Variants in TPD52 observed in about 807,000 individuals in gnomAD.
TPD52 encodes the protein tumor protein D52.
Under a neutral mutation model 31.3 loss-of-function variants are expected in TPD52, and 17 were observed. The observed-to-expected ratio is 0.54, with a 90% CI of 0.37 to 0.82. The LOEUF is 0.82. Ranked by LOEUF, TPD52 falls within the 40% of genes least tolerant of loss-of-function variation. TPD52 has a pLI of 0.00. For missense variants in TPD52, 212 were observed against 240.1 expected, an observed-to-expected ratio of 0.88 and a Z score of 0.77; for synonymous variants, 83 against 89.6, an observed-to-expected ratio of 0.93 and a Z score of 0.42.
In TPD52 at chr8:80,058,048, T is replaced by C. The variant is rs142931445; in HGVS notation, c.136-4618A>G. Among the ~76,000 whole-genome samples, 771 of 152,292 alleles carry C rather than the reference T, an allele frequency of 5.1e-3. 3 individuals carry two copies. Among genetic ancestry groups the C allele is most frequent in the African/African-American group, 0.017 (722 of 41,560 alleles). On this transcript the variant is annotated intron_variant, in intron 2 of 7. Coordinates refer to ENST00000518937, the MANE Select transcript of TPD52 (RefSeq NM_001025253.3). ...TCAGTTTAACGCCTCCCACACAGCA[T>C]GTAGTCTATAGACATTAGGTGCTAT...
intron 1 of TPD52, among the ~76,000 whole-genome samples, chr8:80,075,243 C>T (rs1252034173): frequency 2.0e-5 from 3 of 152,092 alleles, no homozygotes; most frequent in Non-Finnish European, 4.4e-5. Flanking sequence ...TCCCAAAGTG[C>T]TGGGATTACA....
At chr8:80,034,599 CA>C (rs1328973546), downstream of TPD52, 1 of 152,094 alleles carries the variant, frequency 6.6e-6, no homozygotes, top group African/African-American at 2.4e-5. Flanking sequence ...AAGATAACAA[CA>C]GATAGACAAT....
At position 80,123,971 on chromosome 8, in the gene TPD52, G is replaced by A. The variant is rs139319088; in HGVS notation, c.19+47454C>T. Among the ~76,000 whole-genome samples the A allele has an allele frequency of 9.9e-3, 1,511 of 152,246 alleles. 81 individuals are homozygous for A. The highest frequency in any genetic ancestry group is 0.089 in the Admixed American group (1,353 of 15,284). ...CAGGTGGTTACTGGTGATTATCAGC[G>A]ACAGCATGTCAGGAAACTCACAAAG... On this transcript the variant is annotated intron_variant, in intron 1 of 7. Transcript: ENST00000518937.
At chr8:80,044,607 A>G (rs1810671334) in intron 5 of TPD52, among the ~76,000 whole-genome samples, 2 of 151,906 alleles carry the variant, frequency 1.3e-5, no homozygotes, top group Admixed American at 1.3e-4. Flanking sequence ...ATACACACAT[A>G]CACACACAAG....
At chr8:80,132,557 C>T (rs538058852) in intron 1 of TPD52, among the ~76,000 whole-genome samples, 34 of 152,192 alleles carry the variant, frequency 2.2e-4, no homozygotes, top group South Asian at 1.0e-3. Context: ...TCTATGTTTG[C>T]AAATCATTCA....
At chr8:80,112,556 G>A (rs1807568122) in intron 1 of TPD52, among the ~76,000 whole-genome samples, 4 of 152,310 alleles carry the variant, frequency 2.6e-5, no homozygotes, top group Admixed American at 2.0e-4. Flanking sequence ...AATACCAATA[G>A]TTTAGAAATC....
intron 2 of TPD52, among the ~76,000 whole-genome samples, chr8:80,061,376 CG>C (rs66605869): frequency 0.013 from 1,018 of 75,908 alleles, 53 homozygotes; most frequent in Middle Eastern, 0.036. Flanking sequence ...TCCCCCCCAC[CG>C]CCCCCCCCAA....
At chr8:80,075,012 G>C (rs940767992) in intron 1 of TPD52, among the ~76,000 whole-genome samples, 4 of 151,882 alleles carry the variant, frequency 2.6e-5, no homozygotes, top group African/African-American at 9.7e-5. Context: ...ATGGAGTCTT[G>C]GTCTGTCACC....
chr8:80,132,124 G>A (rs1809065086), intron 1 of TPD52, among the ~76,000 whole-genome samples: 1 of 151,572 alleles, frequency 6.6e-6, no homozygotes, highest in African/African-American at 2.4e-5. Context: ...CAATCTCCTG[G>A]GCTCATGCAA....
At chr8:80,147,509 T>C (rs1036069378) in intron 1 of TPD52, among the ~76,000 whole-genome samples, 2 of 152,196 alleles carry the variant, frequency 1.3e-5, no homozygotes, top group African/African-American at 2.4e-5. Flanking sequence ...GACAGCTAGC[T>C]ACCAAAGGAT....
At chr8:80,077,800 C>T (rs1287963911) in intron 1 of TPD52, among the ~76,000 whole-genome samples, 1 of 152,180 alleles carries the variant, frequency 6.6e-6, no homozygotes, top group African/African-American at 2.4e-5. Flanking sequence ...AAGCACTATT[C>T]TTGGTGCTTG....
At chr8:80,052,438 C>G (rs992771914) in intron 3 of TPD52, among the ~76,000 whole-genome samples, 3 of 152,170 alleles carry the variant, frequency 2.0e-5, no homozygotes, top group Admixed American at 1.3e-4. Flanking sequence ...AATAAAAAAA[C>G]ATGGTTCATG....
chr8:80,115,429 A>C (rs771294484), intron 1 of TPD52, among the ~76,000 whole-genome samples: 2 of 152,262 alleles, frequency 1.3e-5, no homozygotes, highest in Non-Finnish European at 2.9e-5. Context: ...GCAAGAGAGC[A>C]GAAGCTATAA....
chr8:80,080,585 G>C, intron 1 of TPD52: 1 of 1,405,788 alleles, frequency 7.1e-7, no homozygotes, highest in Non-Finnish European at 9.2e-7. Flanking sequence ...TAGAGGCCCT[G>C]GCTTCTGGGC....
At chr8:80,071,007 C>T (rs2130748277) in intron 1 of TPD52, among the ~76,000 whole-genome samples, 1 of 152,260 alleles carries the variant, frequency 6.6e-6, no homozygotes, top group Middle Eastern at 3.4e-3. Context: ...TGTGAAGATA[C>T]AGAGCGCAAA....
In TPD52 at chr8:80,040,804, A is replaced by C. The variant is rs988270925; in HGVS notation, c.504+1816T>G. 2.0e-5 allele frequency among the ~76,000 whole-genome samples: 3 copies of C among 152,230 alleles called. No homozygotes were observed. The South Asian group carries it at 6.2e-4, about 32-fold the overall frequency. On this transcript the variant is annotated intron_variant, in intron 7 of 7. Coordinates refer to ENST00000518937, the MANE Select transcript of TPD52 (RefSeq NM_001025253.3). The stretch of plus-strand genomic sequence containing the variant: ...TTTGCTTTCAAATATATGACTTGGC[A>C]CTAAGAAAAATAAAGCAGGTCTCTT...
chr8:80,071,275 T>C (rs1285935420), intron 1 of TPD52, among the ~76,000 whole-genome samples: 1 of 152,204 alleles, frequency 6.6e-6, no homozygotes, highest in Non-Finnish European at 1.5e-5. Flanking sequence ...AGCCATTGAC[T>C]AGTTGGTTGA....
intron 1 of TPD52, chr8:80,158,930 C>G: frequency 9.2e-6 from 1 of 108,924 alleles, no homozygotes; most frequent in African/African-American, 4.2e-5. Context: ...GGCGACAGAG[C>G]GAGACTCCGT....
chr8:80,137,297 T>C (rs1809503193), intron 1 of TPD52, among the ~76,000 whole-genome samples: 2 of 152,236 alleles, frequency 1.3e-5, no homozygotes, highest in South Asian at 4.1e-4. Flanking sequence ...GTAAGTTTAC[T>C]AGAAATCACT....
Sources: gnomAD v4.1 joint callset for allele counts (sites outside exome capture counted in the v4.1 genomes callset) on GRCh38, gnomAD v4.1.1 for gene constraint, MANE v1.5 for transcripts, NCBI Gene and HGNC (gene_info 2026-07-23, HGNC 2026-07-21) for gene names.